The following CHD9 variants were observed in gnomAD, a reference collection of about 807,000 sequenced individuals.
CHD9 encodes chromodomain helicase DNA binding protein 9.
CHD9 carries 77 observed loss-of-function variants against 316.1 expected under a neutral mutation model. The ratio of observed to expected loss-of-function variants is 0.24; its 90% CI spans 0.20 to 0.29. CHD9 has a LOEUF of 0.29. Among genes scored for constraint, CHD9 ranks in the 10% least tolerant of loss-of-function variants. The pLI is 1.00. For missense variants in CHD9, 2,763 were observed against 3,438.1 expected (o/e 0.80, Z 4.91); for synonymous variants, 1,129 against 1,158.3 (o/e 0.97, Z 0.51).
chr16:53,154,988 T>A (rs1447168865), intron 1 of CHD9, among the ~76,000 whole-genome samples: 1 of 152,206 alleles, frequency 6.6e-6, no homozygotes, highest in Non-Finnish European at 1.5e-5. Flanking sequence ...TCTAGAGTTC[T>A]TATTTATTTT....
chr16:53,156,919 C>G lies in CHD9; in HGVS notation c.830C>G (p.Ser277Cys), dbSNP rs771131924. Reference protein sequence around the residue: ...SQQFSSHYSFSSNHISPNSLL... With the variant: ...SQQFSSHYSFCSNHISPNSLL... ...CAATTTTCTTCACATTATTCCTTTT[C>G]CAGTAATCATATATCACCAAACAGT... The change falls in exon 2 of 39, where the codon TCC becomes TGC. Residue 277 changes from serine to cysteine, a missense_variant. Coordinates refer to ENST00000447540, the MANE Select transcript of CHD9 (RefSeq NM_001308319.2). 8 of 1,613,448 alleles carry G rather than the reference C, an allele frequency of 5.0e-6. No individual in the cohort carries two copies. Among genetic ancestry groups the G allele is most frequent in the Middle Eastern group, 3.3e-4 (2 of 6,060 alleles).
chr16:53,283,168 G>A (rs995632216), intron 24 of CHD9, among the ~76,000 whole-genome samples: 2 of 152,032 alleles, frequency 1.3e-5, no homozygotes, highest in Admixed American at 6.6e-5. Flanking sequence ...TAACCTCTCA[G>A]ATCTGGGTTA....
chr16:53,254,923 T>G (rs1416545716), intron 18 of CHD9, among the ~76,000 whole-genome samples: 1 of 152,336 alleles, frequency 6.6e-6, no homozygotes, highest in African/African-American at 2.4e-5. Flanking sequence ...TTTTTTAGTG[T>G]CAATCTACTA....
rs768727720 is a variant in CHD9 at position 53,324,116 on chromosome 16, G to T, written c.7915G>T (p.Ala2639Ser). 1 of 1,613,866 alleles carries T rather than the reference G, an allele frequency of 6.2e-7. No homozygotes were observed. ...GGGGAGACGGCCTAAAAGTGGAATT[G>T]CAAAGGCCACAGCAGCAGCAGCTGC... ...RRGRRPKSGI[A>S]KATAAAAAAS... The change falls in exon 39 of 39, where the codon GCA becomes TCA. Residue 2639 changes from alanine (A) to serine (S), a missense_variant. Coordinates refer to ENST00000447540, the MANE Select transcript of CHD9 (RefSeq NM_001308319.2).
Position 53,286,266 on chromosome 16 carries a change from A to G in CHD9, c.5112A>G (p.Leu1704=). The G allele has an allele frequency of 6.2e-7, 1 of 1,613,124 alleles. No homozygotes were observed. Among genetic ancestry groups the G allele is most frequent in the South Asian group, 1.1e-5 (1 of 91,066 alleles). ...KYNTIRADPA[L]CFLERVGKPD... ...ACACTATTCGAGCAGACCCAGCATT[A>G]TGCTTCTTGGAAAGAGTGGGAAAAC... The change falls in exon 26 of 39, where the codon TTA becomes TTG. Residue 1704 remains leucine (L), a synonymous_variant. Transcript: ENST00000447540.
chr16:53,147,726 A>G (rs945314990), intron 1 of CHD9, among the ~76,000 whole-genome samples: 2 of 152,164 alleles, frequency 1.3e-5, no homozygotes, highest in African/African-American at 4.8e-5. Context: ...TCTATTATAA[A>G]TATCTGTTGA....
Position 53,258,694 on chromosome 16 carries a change from G to A in CHD9, c.4209+2915G>A, listed in dbSNP as rs1488273966. On this transcript the variant is annotated intron_variant, in intron 19 of 38. Coordinates refer to ENST00000447540, the MANE Select transcript of CHD9 (RefSeq NM_001308319.2). ...TACATATATGGAACAGGGTCCTTAT[G>A]AGACTATTCAGACTTAGTACATATA... Among the ~76,000 whole-genome samples, 4 of 152,104 alleles carry A rather than the reference G, an allele frequency of 2.6e-5. 1 individual carries two copies. Among genetic ancestry groups the A allele is most frequent in the Admixed American group, 2.6e-4 (4 of 15,270 alleles).
intron 1 of CHD9, among the ~76,000 whole-genome samples, chr16:53,137,262 G>T (rs545944261): frequency 6.6e-6 from 1 of 152,094 alleles, no homozygotes; most frequent in Admixed American, 6.6e-5. Context: ...GTGAGCCACC[G>T]TGCCTGGCCT....
At chr16:53,159,059 G>A (rs1364312470) in intron 2 of CHD9, among the ~76,000 whole-genome samples, 3 of 152,116 alleles carry the variant, frequency 2.0e-5, no homozygotes, top group Non-Finnish European at 2.9e-5. Context: ...AGGATTGCTT[G>A]AGACCAGGAA....
In CHD9 at chr16:53,324,376, G is replaced by T; in HGVS notation, c.8175G>T (p.Leu2725Phe). 6.2e-7 allele frequency: 1 copy of T among 1,613,960 alleles called. No homozygotes were observed. The highest frequency in any genetic ancestry group is 1.1e-5 in the South Asian group (1 of 91,078). ...GAATGGCTGGATTACCAAATCTGTT[G>T]GGCATGGGAGGACTCCTGACAAAGC... ...LSGMAGLPNL[L>F]GMGGLLTKPT... Residue 2725 changes from leucine to phenylalanine, a missense_variant, in exon 39 of 39, where the codon TTG becomes TTT. Leu to Phe is a conservative substitution (Grantham distance 22). Around this residue, in one of 15 missense-constraint regions of CHD9, gnomAD observed 298 missense variants for 380.2 expected, o/e 0.78. Transcript: ENST00000447540.
intron 22 of CHD9, among the ~76,000 whole-genome samples, chr16:53,271,934 A>G (rs1182271132): frequency 1.3e-5 from 2 of 152,188 alleles, no homozygotes; most frequent in Non-Finnish European, 2.9e-5. Context: ...AGAAGATTGG[A>G]ATACAGAACT....
chr16:53,179,023 TA>T (rs142818884), intron 2 of CHD9, among the ~76,000 whole-genome samples: 2 of 149,712 alleles, frequency 1.3e-5, no homozygotes, highest in Non-Finnish European at 1.5e-5. Context: ...ACCCTGTTTC[TA>T]AAAAAAAAAT....
Position 53,307,953 on chromosome 16 carries a change from CGT to C in CHD9, c.7053+1_7053+2del. The C allele has an allele frequency of 1.3e-6, 2 of 1,593,950 alleles. No homozygotes were observed. The highest frequency in any genetic ancestry group is 1.7e-6 in the Non-Finnish European group (2 of 1,170,176). ...AGGAGTTTACAGTGAAAATCAAAGA[CGT>C]ATGTGTATTTTTATTGCCCTAGGGC... On this transcript the variant is annotated splice_donor_variant, in intron 33 of 38. Coordinates refer to ENST00000447540, the MANE Select transcript of CHD9 (RefSeq NM_001308319.2). LOFTEE classifies it high-confidence loss of function.
Position 53,326,593 on chromosome 16 carries a change from A to T in CHD9, c.*1698A>T, listed in dbSNP as rs1202356569. 6.6e-6 allele frequency: 1 copy of T among 152,466 alleles called. No homozygotes were observed. Among genetic ancestry groups the T allele is most frequent in the Non-Finnish European group, 1.5e-5 (1 of 67,904 alleles). 9.4% of individuals were successfully genotyped at this position (152,466 alleles called of 1,614,324 possible). ...GTATTTTCCCAAAATAGTACTTTGA[A>T]TTGATAGTCCTTTATGCAATGTCTT... On this transcript the variant is annotated 3_prime_UTR_variant, in exon 39 of 39. Coordinates refer to ENST00000447540, the MANE Select transcript of CHD9 (RefSeq NM_001308319.2).
chr16:53,114,656 C>T (rs1567338873), intron 1 of CHD9, among the ~76,000 whole-genome samples: 1 of 152,086 alleles, frequency 6.6e-6, no homozygotes, highest in Non-Finnish European at 1.5e-5. Context: ...GGCGCAATCT[C>T]GGCTCACTGC....
chr16:53,229,165 A>G, intron 8 of CHD9, 65 bp downstream of exon 8: 1 of 719,094 alleles, frequency 1.4e-6, no homozygotes, highest in South Asian at 2.6e-5. Flanking sequence ...TTATTTATCA[A>G]AAATTACACA....
chr16:53,170,512 A>C (rs1278661551), intron 2 of CHD9, among the ~76,000 whole-genome samples: 1 of 151,784 alleles, frequency 6.6e-6, no homozygotes, highest in Non-Finnish European at 1.5e-5. Context: ...CATTTCTTCA[A>C]GGAGCTCATT....
chr16:53,202,095 C>T (rs555860608), intron 2 of CHD9, among the ~76,000 whole-genome samples: 1 of 152,196 alleles, frequency 6.6e-6, no homozygotes, highest in East Asian at 1.9e-4. Flanking sequence ...CTCCTGGCCT[C>T]AAGCAATCCT....
chr16:53,260,751 G>C (rs958171331), intron 19 of CHD9, among the ~76,000 whole-genome samples: 1 of 152,096 alleles, frequency 6.6e-6, no homozygotes, highest in African/African-American at 2.4e-5. Flanking sequence ...AAGACTGCCT[G>C]CATTCCTTGG....
Sources: gnomAD v4.1 joint callset for allele counts (sites outside exome capture counted in the v4.1 genomes callset) on GRCh38, gnomAD v4.1.1 for gene constraint, gnomAD v4.1.1 regional missense constraint, MANE v1.5 for transcripts, NCBI Gene and HGNC (gene_info 2026-07-23, HGNC 2026-07-21) for gene names.